COL4A1: variants seen among roughly 807,000 people sequenced by gnomAD.
COL4A1 encodes the protein collagen alpha-1(IV) chain.
COL4A1 carries 40 observed loss-of-function variants against 216.6 expected under a neutral mutation model. The ratio of observed to expected loss-of-function variants is 0.18; its 90% CI spans 0.14 to 0.24. The LOEUF is 0.24. Ranked by LOEUF, COL4A1 falls within the 10% of genes least tolerant of loss-of-function variation. The pLI, the probability that COL4A1 is intolerant of heterozygous loss-of-function variation, is 1.00. For missense variants in COL4A1, 1,628 were observed against 2,196.8 expected, an observed-to-expected ratio of 0.74 and a Z score of 5.18; for synonymous variants, 839 against 810.7, an observed-to-expected ratio of 1.03 and a Z score of -0.59.
intron 1 of COL4A1, among the ~76,000 whole-genome samples, chr13:110,244,394 TTTCAG>T (rs1196361438): frequency 6.6e-6 from 1 of 151,982 alleles, no homozygotes; most frequent in Non-Finnish European, 1.5e-5. Context: ...TTTAGGCAAT[TTTCAG>T]CCTACACTCT....
At chr13:110,189,460 C>T (rs1375906988) in intron 24 of COL4A1, among the ~76,000 whole-genome samples, 1 of 152,234 alleles carries the variant, frequency 6.6e-6, no homozygotes, top group Non-Finnish European at 1.5e-5. Flanking sequence ...AGAAGCTTCT[C>T]ATGGACGACT....
intron 1 of COL4A1, among the ~76,000 whole-genome samples, chr13:110,269,760 T>C (rs1159355496): frequency 1.3e-5 from 2 of 151,780 alleles, no homozygotes; most frequent in African/African-American, 4.8e-5. Flanking sequence ...ACCATCAACC[T>C]CAAGAGGCCT....
chr13:110,255,833 A>C (rs1396130144), intron 1 of COL4A1, among the ~76,000 whole-genome samples: 1 of 65,784 alleles, frequency 1.5e-5, no homozygotes, highest in South Asian at 7.6e-4. Context: ...GGGAAGGGGG[A>C]AGGCAGGAAG....
chr13:110,176,582 T>C (rs757401179), intron 35 of COL4A1, 44 bp downstream of exon 35: 1 of 1,592,646 alleles, frequency 6.3e-7, no homozygotes, highest in South Asian at 1.1e-5. Flanking sequence ...ACAGGCCTCA[T>C]CCTGAGCCCT....
chr13:110,172,055 A>G (rs1877669387), intron 41 of COL4A1, among the ~76,000 whole-genome samples: 1 of 152,230 alleles, frequency 6.6e-6, no homozygotes, highest in South Asian at 2.1e-4. Context: ...CTGAAGTCCA[A>G]GGCCTTCCAG....
At chr13:110,303,452 C>G (rs1884571584) in intron 1 of COL4A1, among the ~76,000 whole-genome samples, 1 of 152,158 alleles carries the variant, frequency 6.6e-6, no homozygotes, top group Non-Finnish European at 1.5e-5. Context: ...TTGTTAATCA[C>G]AGAAACAATG....
intron 2 of COL4A1, among the ~76,000 whole-genome samples, chr13:110,238,730 T>G (rs184684045): frequency 5.9e-5 from 9 of 152,328 alleles, no homozygotes; most frequent in African/African-American, 2.2e-4. Context: ...GATAGTGTTA[T>G]GGAAACGTGG....
In COL4A1 at chr13:110,173,947, G is replaced by A; in HGVS notation, c.3458C>T (p.Pro1153Leu). 1.2e-6 allele frequency: 2 copies of A among 1,614,182 alleles called. No homozygotes were observed. Among genetic ancestry groups the A allele is most frequent in the Non-Finnish European group, 1.7e-6 (2 of 1,180,028 alleles). The change falls in exon 40 of 52, where the codon CCA becomes CTA. Residue 1153 changes from proline to leucine, a missense_variant. Around this residue, in one of 8 missense-constraint regions of COL4A1, gnomAD observed 345 missense variants for 476.9 expected, o/e 0.72. Transcript: ENST00000375820. ...PTGPAGQKGE[P>L]GSDGIPGSAG... ...TGACCCCGGGATTCCATCACTGCCT[G>A]GCTCCCCTTTCTGGCCAGCTGGGCC...
At chr13:110,296,206 G>T (rs1393625027) in intron 1 of COL4A1, among the ~76,000 whole-genome samples, 1 of 152,194 alleles carries the variant, frequency 6.6e-6, no homozygotes, top group African/African-American at 2.4e-5. Context: ...GCGAAACCAC[G>T]GCAACGTGCC....
At chr13:110,196,176 T>TTGCTTATG (rs1878881022) in intron 21 of COL4A1, among the ~76,000 whole-genome samples, 1 of 152,176 alleles carries the variant, frequency 6.6e-6, no homozygotes. Context: ...GCTTTGCTTG[T>TTGCTTATG]TGCTTATGTG....
intron 24 of COL4A1, among the ~76,000 whole-genome samples, chr13:110,187,892 C>T (rs548250042): frequency 6.6e-6 from 1 of 152,280 alleles, no homozygotes; most frequent in East Asian, 1.9e-4. Context: ...TCCTTTTATG[C>T]TCATGCCCAG....
rs562973227 is a variant in COL4A1, at chr13:110,192,382, G to C, written c.1466-98C>G. The stretch of plus-strand genomic sequence containing the variant: ...CTCAAAAGCATAAAAATCTGTATAG[G>C]AAGTGGATGATTGCTTGGATAATCC... On this transcript the variant is annotated intron_variant, in intron 23 of 51. Transcript: ENST00000375820. 25 of 1,100,540 alleles carry C rather than the reference G, an allele frequency of 2.3e-5. No individual in the cohort carries two copies. The East Asian group carries it at 5.3e-4, about 23-fold the overall frequency. 68.2% of individuals were successfully genotyped at this position (1,100,540 alleles called of 1,614,324 possible). A position where few individuals can be genotyped will look rare whatever the true frequency, so the allele number is the denominator to read the frequency against.
At chr13:110,192,740 G>T in intron 23 of COL4A1, 90 bp downstream of exon 23, 1 of 1,113,472 alleles carries the variant, frequency 9.0e-7, no homozygotes. Flanking sequence ...CGAAAATCAG[G>T]CCTTCTATGG....
Position 110,207,596 on chromosome 13 carries a change from T to C in COL4A1, c.694-107A>G. The C allele has an allele frequency of 7.1e-6, 6 of 844,450 alleles. No individual in the cohort carries two copies. Among genetic ancestry groups the C allele is most frequent in the Non-Finnish European group, 1.2e-5 (6 of 506,830 alleles). 52.3% of individuals were successfully genotyped at this position (844,450 alleles called of 1,614,324 possible). A position where few individuals can be genotyped will look rare whatever the true frequency, so the allele number is the denominator to read the frequency against. On this transcript the variant is annotated intron_variant, in intron 12 of 51. Transcript: ENST00000375820. This position sits in a 1 kb window ranked among gnomAD's most constrained non-coding sequence, Gnocchi z 4.4. ...TAAAATAAAACACCTATTTTTAAAA[T>C]GTAATTATACTCTATTCTGTTCTAA...
chr13:110,235,711 T>A (rs1345717384), intron 2 of COL4A1, among the ~76,000 whole-genome samples: 2 of 151,362 alleles, frequency 1.3e-5, no homozygotes, highest in Non-Finnish European at 2.9e-5. Context: ...AGAAGGTAAT[T>A]ATTATTCTTT....
At chr13:110,252,116 C>T (rs1158621801) in intron 1 of COL4A1, among the ~76,000 whole-genome samples, 4 of 152,074 alleles carry the variant, frequency 2.6e-5, no homozygotes, top group Admixed American at 1.3e-4. Context: ...CTCCCTCTCC[C>T]GGGTTCAGGC....
intron 10 of COL4A1, chr13:110,209,719 C>A: frequency 2.8e-6 from 2 of 721,258 alleles, no homozygotes; most frequent in Admixed American, 3.8e-5. Context: ...CAGTACCCCG[C>A]CAGCCCCTTC....
At position 110,207,568 on chromosome 13, in the gene COL4A1, G is replaced by T; in HGVS notation, c.694-79C>A. ...TGAAAAATTGCAGAGAGAGGTAAAA[G>T]CCTAAAATAAAACACCTATTTTTAA... On this transcript the variant is annotated intron_variant, in intron 12 of 51. Coordinates refer to ENST00000375820, the MANE Select transcript of COL4A1 (RefSeq NM_001845.6). The surrounding 1 kb of genome is among the most constrained non-coding windows in gnomAD (Gnocchi z 4.4). The T allele has an allele frequency of 8.6e-7, 1 of 1,165,322 alleles. No homozygotes were observed. 72.2% of individuals were successfully genotyped at this position (1,165,322 alleles called of 1,614,324 possible). A position where few individuals can be genotyped will look rare whatever the true frequency, so the allele number is the denominator to read the frequency against.
chr13:110,188,020 C>T (rs867536731), intron 24 of COL4A1, among the ~76,000 whole-genome samples: 1 of 152,178 alleles, frequency 6.6e-6, no homozygotes, highest in Non-Finnish European at 1.5e-5. Flanking sequence ...TTGACTTTCC[C>T]AAGAGACTCA....
Sources: gnomAD v4.1 joint callset for allele counts (sites outside exome capture counted in the v4.1 genomes callset) on GRCh38, gnomAD v4.1.1 for gene constraint, gnomAD v4.1.1 regional missense constraint, Gnocchi (gnomAD v3.1) non-coding constraint, MANE v1.5 for transcripts, NCBI Gene and HGNC (gene_info 2026-07-23, HGNC 2026-07-21) for gene names.